The following CSRNP3 variants were observed in gnomAD, a reference collection of about 807,000 sequenced individuals.
The protein encoded by CSRNP3 is cysteine and serine rich nuclear protein 3, also known as cysteine/serine-rich nuclear protein 3.
Under a neutral mutation model 48.0 loss-of-function variants are expected in CSRNP3, and 12 were observed. The observed-to-expected ratio is 0.25, with a 90% CI of 0.16 to 0.41. CSRNP3 has a LOEUF of 0.41. Ranked by LOEUF, CSRNP3 falls within the 10% of genes least tolerant of loss-of-function variation. CSRNP3 has a pLI of 1.00. For missense variants in CSRNP3, 580 were observed against 724.4 expected (o/e 0.80, Z 2.29); for synonymous variants, 263 against 269.7 (o/e 0.98, Z 0.24).
chr2:165,599,309 G>GAAAGAAAGAAAC (rs1553478345), intron 4 of CSRNP3, among the ~76,000 whole-genome samples: 1 of 148,626 alleles, frequency 6.7e-6, no homozygotes, highest in African/African-American at 2.5e-5. Context: ...AAGAAAGAAA[G>GAAAGAAAGAAAC]AAAGAAAGAA....
intron 1 of CSRNP3, among the ~76,000 whole-genome samples, chr2:165,486,443 A>G (rs1352839293): frequency 4.7e-5 from 7 of 149,968 alleles, no homozygotes; most frequent in Admixed American, 4.7e-4. Context: ...GGAGCCCACC[A>G]CAGCTCAAGG....
chr2:165,585,824 G>T (rs190017141), intron 3 of CSRNP3, among the ~76,000 whole-genome samples: 6 of 152,152 alleles, frequency 3.9e-5, no homozygotes, highest in Non-Finnish European at 8.8e-5. Flanking sequence ...CTTTGTTAAT[G>T]ATCCTTGCAG....
intron 4 of CSRNP3, among the ~76,000 whole-genome samples, chr2:165,598,663 G>C (rs937695894): frequency 1.3e-5 from 2 of 152,070 alleles, no homozygotes; most frequent in Non-Finnish European, 2.9e-5. Context: ...CTTATTTTAC[G>C]ATGTCTAAGA....
intron 4 of CSRNP3, among the ~76,000 whole-genome samples, chr2:165,633,208 G>T (rs925736332): frequency 6.6e-6 from 1 of 152,136 alleles, no homozygotes; most frequent in Non-Finnish European, 1.5e-5. Flanking sequence ...ATAATGTAAT[G>T]TTATTGCTAA....
chr2:165,664,220 A>G (rs977338998), intron 5 of CSRNP3, among the ~76,000 whole-genome samples: 1 of 152,186 alleles, frequency 6.6e-6, no homozygotes, highest in African/African-American at 2.4e-5. Flanking sequence ...TGATATACAT[A>G]TTTTCCTTTA....
chr2:165,514,708 C>T (rs908352062), intron 2 of CSRNP3, among the ~76,000 whole-genome samples: 44 of 152,292 alleles, frequency 2.9e-4, no homozygotes, highest in African/African-American at 1.0e-3. Flanking sequence ...TTCCCAACTC[C>T]TCCTCCTGCT....
intron 4 of CSRNP3, among the ~76,000 whole-genome samples, chr2:165,630,263 A>G (rs1686512429): frequency 6.6e-6 from 1 of 152,144 alleles, no homozygotes; most frequent in Non-Finnish European, 1.5e-5. Context: ...TGTATTTTGA[A>G]TTAGTCTTTT....
At chr2:165,632,653 T>G (rs1434952613) in intron 4 of CSRNP3, among the ~76,000 whole-genome samples, 1 of 152,242 alleles carries the variant, frequency 6.6e-6, no homozygotes, top group Non-Finnish European at 1.5e-5. Context: ...CATTTTATGT[T>G]TAAATAGAGT....
At chr2:165,517,650 T>G (rs938912647) in intron 2 of CSRNP3, among the ~76,000 whole-genome samples, 2 of 151,988 alleles carry the variant, frequency 1.3e-5, no homozygotes, top group African/African-American at 2.4e-5. Flanking sequence ...TGAGTTAAAC[T>G]ATGTATGGAT....
chr2:165,663,549 A>T (rs1687131371), intron 5 of CSRNP3, among the ~76,000 whole-genome samples: 1 of 152,250 alleles, frequency 6.6e-6, no homozygotes, highest in Non-Finnish European at 1.5e-5. Flanking sequence ...AATACATTTA[A>T]GAATATGTTC....
At chr2:165,589,530 T>C (rs1558942738) in intron 3 of CSRNP3, among the ~76,000 whole-genome samples, 2 of 152,216 alleles carry the variant, frequency 1.3e-5, no homozygotes, top group Admixed American at 6.5e-5. Context: ...TATATGAATG[T>C]TTAATTGTTA....
At chr2:165,637,686 A>T (rs1296175452) in intron 4 of CSRNP3, among the ~76,000 whole-genome samples, 1 of 152,230 alleles carries the variant, frequency 6.6e-6, no homozygotes, top group Non-Finnish European at 1.5e-5. Flanking sequence ...TAGCAATGCC[A>T]TTTCATGAAT....
chr2:165,594,658 T>A (rs1170013191), intron 3 of CSRNP3, among the ~76,000 whole-genome samples: 1 of 152,194 alleles, frequency 6.6e-6, no homozygotes, highest in Non-Finnish European at 1.5e-5. Context: ...CGTGCATACT[T>A]TTTTGTGTTC....
At chr2:165,581,506 T>C (rs955919109) in intron 3 of CSRNP3, among the ~76,000 whole-genome samples, 1 of 152,074 alleles carries the variant, frequency 6.6e-6, no homozygotes, top group African/African-American at 2.4e-5. Context: ...TCAGAGCCTA[T>C]GTTTTACTAG....
chr2:165,503,594 T>C (rs1041429040), intron 2 of CSRNP3, among the ~76,000 whole-genome samples: 2 of 152,020 alleles, frequency 1.3e-5, no homozygotes, highest in Non-Finnish European at 2.9e-5. Context: ...AGAAGAATAT[T>C]TTTAAGCTAA....
At chr2:165,567,868 A>G (rs555229506) in intron 3 of CSRNP3, among the ~76,000 whole-genome samples, 1 of 152,172 alleles carries the variant, frequency 6.6e-6, no homozygotes, top group African/African-American at 2.4e-5. Context: ...TAACATTAAC[A>G]ATGTTTGATA....
At chr2:165,632,975 T>C (rs1271603723) in intron 4 of CSRNP3, among the ~76,000 whole-genome samples, 1 of 152,220 alleles carries the variant, frequency 6.6e-6, no homozygotes, top group Non-Finnish European at 1.5e-5. Flanking sequence ...CTTACCTTCT[T>C]TTTGATATAA....
chr2:165,512,027 T>C (rs1245042147), intron 2 of CSRNP3, among the ~76,000 whole-genome samples: 3 of 152,250 alleles, frequency 2.0e-5, no homozygotes, highest in African/African-American at 7.2e-5. Flanking sequence ...TTAGTTAAAC[T>C]CTAAATTCAG....
chr2:165,584,407 GA>G, intron 3 of CSRNP3, among the ~76,000 whole-genome samples: 1 of 152,254 alleles, frequency 6.6e-6, no homozygotes, highest in Non-Finnish European at 1.5e-5. Flanking sequence ...CTGAGGCTAG[GA>G]TCACATGACT....
Sources: gnomAD v4.1 joint callset for allele counts (sites outside exome capture counted in the v4.1 genomes callset) on GRCh38, gnomAD v4.1.1 for gene constraint, MANE v1.5 for transcripts, NCBI Gene and HGNC (gene_info 2026-07-23, HGNC 2026-07-21) for gene names.